The following PCNX2 variants were observed in gnomAD, a reference collection of about 807,000 sequenced individuals.
PCNX2 encodes pecanex-like protein 2.
Under a neutral mutation model 223.8 loss-of-function variants are expected in PCNX2, and 168 were observed. That is an observed-to-expected ratio of 0.75 (90% confidence interval 0.66 to 0.85). The LOEUF is 0.85. Ranked by LOEUF, PCNX2 falls within the 40% of genes least tolerant of loss-of-function variation. The pLI is 0.00. For synonymous variants in PCNX2, 1,006 were observed against 1,052.6 expected (o/e 0.96, Z 0.86); for missense variants, 2,507 against 2,675.5 (o/e 0.94, Z 1.39).
intron 16 of PCNX2, 128 bp downstream of exon 16, chr1:233,178,938 A>C (rs1572027929): frequency 1.4e-6 from 1 of 698,502 alleles, no homozygotes; most frequent in Admixed American, 2.6e-5. Flanking sequence ...GTGACCAGCT[A>C]GTTTAATAAT....
intron 28 of PCNX2, among the ~76,000 whole-genome samples, chr1:233,011,946 C>T (rs1358830961): frequency 6.6e-6 from 1 of 152,146 alleles, no homozygotes; most frequent in Non-Finnish European, 1.5e-5. Context: ...CATGTAGAAG[C>T]CAGTCAGAAG....
At chr1:233,047,330 T>G in intron 25 of PCNX2, 1 of 940,996 alleles carries the variant, frequency 1.1e-6, no homozygotes, top group Non-Finnish European at 1.3e-6. Flanking sequence ...CTGCTTGTGA[T>G]GAGGAGCTGA....
chr1:233,119,434 A>T (rs1183676212), intron 21 of PCNX2, among the ~76,000 whole-genome samples: 1 of 139,620 alleles, frequency 7.2e-6, no homozygotes, highest in Admixed American at 7.1e-5. Context: ...AAAAAAAAAA[A>T]AATTGCCGGG....
At chr1:233,245,906 ACT>A (rs1659086673) in intron 8 of PCNX2, among the ~76,000 whole-genome samples, 1 of 150,810 alleles carries the variant, frequency 6.6e-6, no homozygotes, top group Non-Finnish European at 1.5e-5. Context: ...ACAGACGGAG[ACT>A]CTATCTCAAA....
In PCNX2 at chr1:233,001,141, C is replaced by T. The variant is rs1670067490; in HGVS notation, c.5097+396G>A. On this transcript the variant is annotated intron_variant, in intron 29 of 33. Coordinates refer to ENST00000258229, the MANE Select transcript of PCNX2 (RefSeq NM_014801.4). This position sits in a 1 kb window ranked among gnomAD's most constrained non-coding sequence, Gnocchi z 4.2. Reference sequence around the variant, plus strand: ...CTGAAACTCCCGGGCTCAAGCTATCCTCCCACCTTAACCTCCCGAGTAGCT... The same window carrying T: ...CTGAAACTCCCGGGCTCAAGCTATCTTCCCACCTTAACCTCCCGAGTAGCT... Among the ~76,000 whole-genome samples, 1 of 152,160 alleles carries T rather than the reference C, an allele frequency of 6.6e-6. No homozygotes were observed. The highest frequency in any genetic ancestry group is 6.5e-5 in the Admixed American group (1 of 15,284).
At chr1:233,053,053 A>C (rs1672062652) in intron 25 of PCNX2, among the ~76,000 whole-genome samples, 1 of 151,620 alleles carries the variant, frequency 6.6e-6, no homozygotes, top group South Asian at 2.1e-4. Context: ...CCCCCAGTAT[A>C]TTCTCCACAC....
At chr1:233,185,989 GA>G (rs1376331364) in intron 15 of PCNX2, among the ~76,000 whole-genome samples, 1 of 152,138 alleles carries the variant, frequency 6.6e-6, no homozygotes, top group Non-Finnish European at 1.5e-5. Context: ...ATTATCTGAC[GA>G]GAATGCATAG....
At chr1:233,184,228 T>C (rs1679967924) in intron 15 of PCNX2, among the ~76,000 whole-genome samples, 1 of 151,954 alleles carries the variant, frequency 6.6e-6, no homozygotes, top group Non-Finnish European at 1.5e-5. Context: ...TCTCATGACA[T>C]GGATCAGAGA....
At chr1:233,150,010 C>T (rs891538714) in intron 19 of PCNX2, among the ~76,000 whole-genome samples, 1 of 152,110 alleles carries the variant, frequency 6.6e-6, no homozygotes, top group African/African-American at 2.4e-5. Context: ...TGCACTCCCT[C>T]CCAACCCCCT....
chr1:233,296,755 TG>T (rs1441846751), upstream of PCNX2, among the ~76,000 whole-genome samples: 1 of 152,214 alleles, frequency 6.6e-6, no homozygotes, highest in Non-Finnish European at 1.5e-5. Context: ...CTGACTTGTG[TG>T]CCTGCCTGTG....
intron 19 of PCNX2, among the ~76,000 whole-genome samples, chr1:233,144,174 CCT>C (rs539631484): frequency 6.6e-6 from 1 of 151,958 alleles, no homozygotes; most frequent in South Asian, 2.1e-4. Flanking sequence ...GAGCGTAGAC[CCT>C]GTCTCAAAAA....
chr1:233,020,990 G>A (rs1044978222), intron 26 of PCNX2, among the ~76,000 whole-genome samples: 22 of 152,158 alleles, frequency 1.4e-4, no homozygotes, highest in African/African-American at 5.3e-4. Flanking sequence ...GTCATTCAGA[G>A]CTACAAAGGC....
At chr1:233,222,650 C>T (rs1034541388) in intron 10 of PCNX2, among the ~76,000 whole-genome samples, 5 of 152,156 alleles carry the variant, frequency 3.3e-5, no homozygotes, top group African/African-American at 7.2e-5. Context: ...CACATTGACA[C>T]TGGAAAGATG....
At chr1:233,108,569 G>A (rs770877841) in intron 21 of PCNX2, among the ~76,000 whole-genome samples, 19 of 152,212 alleles carry the variant, frequency 1.2e-4, no homozygotes, top group African/African-American at 2.4e-4. Flanking sequence ...CTGATGTGGC[G>A]CAGACCTGAA....
At chr1:233,176,766 C>G (rs1187963841) in intron 17 of PCNX2, among the ~76,000 whole-genome samples, 1 of 152,216 alleles carries the variant, frequency 6.6e-6, no homozygotes, top group Non-Finnish European at 1.5e-5. Context: ...GTAATCCCAG[C>G]AATTTGGGAG....
At chr1:233,089,767 T>C in intron 23 of PCNX2, 1 of 729,652 alleles carries the variant, frequency 1.4e-6, no homozygotes, top group Non-Finnish European at 1.8e-6. Flanking sequence ...GGCTTGTACC[T>C]TCCCCTAGGT....
At chr1:233,040,658 G>A (rs1191588703) in intron 25 of PCNX2, among the ~76,000 whole-genome samples, 1 of 152,030 alleles carries the variant, frequency 6.6e-6, no homozygotes, top group Non-Finnish European at 1.5e-5. Context: ...CTTCTGTAAA[G>A]ATTGTGGCTC....
intron 1 of PCNX2, among the ~76,000 whole-genome samples, chr1:233,281,759 T>A (rs1362364329): frequency 2.0e-5 from 3 of 152,212 alleles, no homozygotes; most frequent in Non-Finnish European, 4.4e-5. Flanking sequence ...GCCACAACCT[T>A]GTGGTGAGTC....
At chr1:233,163,745 C>T (rs1246273745) in intron 17 of PCNX2, among the ~76,000 whole-genome samples, 1 of 151,908 alleles carries the variant, frequency 6.6e-6, no homozygotes, top group Non-Finnish European at 1.5e-5. Context: ...ATCCTTCTGC[C>T]TCAGCCTCTT....
Sources: gnomAD v4.1 joint callset for allele counts (sites outside exome capture counted in the v4.1 genomes callset) on GRCh38, gnomAD v4.1.1 for gene constraint, Gnocchi (gnomAD v3.1) non-coding constraint, MANE v1.5 for transcripts, NCBI Gene and HGNC (gene_info 2026-07-23, HGNC 2026-07-21) for gene names.